Variants in MARCHF1 observed in about 807,000 individuals in gnomAD.
The protein encoded by MARCHF1 is membrane associated ring-CH-type finger 1.
A neutral mutation model predicts 54.2 loss-of-function variants in MARCHF1; 40 were observed. The ratio of observed to expected loss-of-function variants is 0.74; its 90% CI spans 0.57 to 0.96. MARCHF1 has a LOEUF of 0.96. MARCHF1 is among the 40% of genes least tolerant of loss of function. The probability of loss-of-function intolerance (pLI) is 0.00; values close to 1 mark genes in which losing one functional copy is unlikely to be tolerated. For synonymous variants in MARCHF1, 236 were observed against 236.3 expected (o/e 1.00, Z 0.01); for missense variants, 586 against 656.5 (o/e 0.89, Z 1.17).
At chr4:164,320,227 A>C (rs1367866425) in intron 1 of MARCHF1, among the ~76,000 whole-genome samples, 2 of 152,208 alleles carry the variant, frequency 1.3e-5, no homozygotes, top group Non-Finnish European at 2.9e-5. Flanking sequence ...TAGTTTGCCC[A>C]GTAATCATGA....
intron 1 of MARCHF1, among the ~76,000 whole-genome samples, chr4:164,238,774 C>T (rs1158687407): frequency 6.6e-6 from 1 of 151,746 alleles, no homozygotes; most frequent in Non-Finnish European, 1.5e-5. Flanking sequence ...GTCAATTTTG[C>T]CACTTATTTT....
At chr4:163,580,589 C>T (rs189946104) in intron 8 of MARCHF1, among the ~76,000 whole-genome samples, 4 of 152,252 alleles carry the variant, frequency 2.6e-5, no homozygotes, top group Admixed American at 2.6e-4. Context: ...TGGAGATAAA[C>T]AGCCTTATAT....
intron 4 of MARCHF1, among the ~76,000 whole-genome samples, chr4:163,796,062 A>T (rs975242197): frequency 2.0e-5 from 3 of 152,098 alleles, no homozygotes; most frequent in Admixed American, 6.6e-5. Flanking sequence ...GAGGAGGAGC[A>T]AAAAGAGGGG....
At chr4:163,874,002 A>C (rs996063965) in intron 3 of MARCHF1, among the ~76,000 whole-genome samples, 1 of 152,236 alleles carries the variant, frequency 6.6e-6, no homozygotes, top group Admixed American at 6.5e-5. Flanking sequence ...TTTTTAAAGA[A>C]TTTAAAAGAA....
intron 4 of MARCHF1, among the ~76,000 whole-genome samples, chr4:163,768,026 T>C (rs1035041082): frequency 6.6e-6 from 1 of 152,086 alleles, no homozygotes; most frequent in Non-Finnish European, 1.5e-5. Context: ...TTAGAAAGAG[T>C]GCATTTTTTT....
intron 2 of MARCHF1, among the ~76,000 whole-genome samples, chr4:164,072,360 T>C (rs1579510725): frequency 6.6e-6 from 1 of 152,028 alleles, no homozygotes; most frequent in Non-Finnish European, 1.5e-5. Flanking sequence ...CAGAGGTAGG[T>C]TCGAGACCAG....
At chr4:163,929,973 A>AATATATATATATAAATATAT (rs1560823848) in intron 3 of MARCHF1, among the ~76,000 whole-genome samples, 1 of 125,396 alleles carries the variant, frequency 8.0e-6, no homozygotes, top group African/African-American at 3.1e-5. Flanking sequence ...AATATATATA[A>AATATATATATATAAATATAT]TATATATAAT....
At chr4:163,689,875 C>T (rs545583412) in intron 5 of MARCHF1, among the ~76,000 whole-genome samples, 3 of 152,226 alleles carry the variant, frequency 2.0e-5, no homozygotes, top group East Asian at 3.9e-4. Context: ...TTAAAATGCC[C>T]TATCAAAGAG....
chr4:163,616,932 C>G (rs13125648), intron 5 of MARCHF1, among the ~76,000 whole-genome samples: 50,408 of 151,904 alleles, frequency 0.33, 9,755 homozygotes, highest in Non-Finnish European at 0.44. Flanking sequence ...TAAAAGGAAA[C>G]CAGTTCGTCA....
At chr4:163,620,604 C>CAGAG (rs1395760739) in intron 5 of MARCHF1, among the ~76,000 whole-genome samples, 43 of 49,710 alleles carry the variant, frequency 8.7e-4, no homozygotes, top group Middle Eastern at 0.011. Context: ...CACACACACA[C>CAGAG]ACAGAGAGAG....
intron 1 of MARCHF1, among the ~76,000 whole-genome samples, chr4:164,165,342 C>T (rs1289669365): frequency 6.6e-6 from 1 of 150,678 alleles, no homozygotes; most frequent in Admixed American, 6.6e-5. Flanking sequence ...TAGGAAGAAA[C>T]ACAAGCACGT....
intron 2 of MARCHF1, among the ~76,000 whole-genome samples, chr4:164,100,909 A>T (rs1188138612): frequency 6.6e-6 from 1 of 152,128 alleles, no homozygotes; most frequent in African/African-American, 2.4e-5. Flanking sequence ...GTGCGCGCAC[A>T]GTGCGCGAGC....
At chr4:164,355,335 G>T (rs1364620707) in intron 1 of MARCHF1, among the ~76,000 whole-genome samples, 1 of 88,202 alleles carries the variant, frequency 1.1e-5, no homozygotes, top group African/African-American at 4.0e-5. Context: ...GAACAAAGCT[G>T]GAGGCATCAC....
chr4:164,140,247 A>ATATATT (rs1756497542), intron 1 of MARCHF1, among the ~76,000 whole-genome samples: 1 of 150,620 alleles, frequency 6.6e-6, no homozygotes, highest in Non-Finnish European at 1.5e-5. Flanking sequence ...CACTATATAT[A>ATATATT]TATATATATA....
At chr4:163,930,253 C>A (rs960485412) in intron 3 of MARCHF1, among the ~76,000 whole-genome samples, 1 of 151,240 alleles carries the variant, frequency 6.6e-6, no homozygotes, top group Non-Finnish European at 1.5e-5. Flanking sequence ...AATAAAGACA[C>A]TGATATTTTC....
At chr4:163,779,735 G>A (rs74637209) in intron 4 of MARCHF1, among the ~76,000 whole-genome samples, 2,298 of 152,126 alleles carry the variant, frequency 0.015, 60 homozygotes, top group African/African-American at 0.051. Flanking sequence ...TTCTTGGGAT[G>A]TAGAAGAAAC....
At chr4:164,085,804 C>A (rs182052318) in intron 2 of MARCHF1, among the ~76,000 whole-genome samples, 212 of 151,768 alleles carry the variant, frequency 1.4e-3, no homozygotes, top group East Asian at 8.7e-3. Context: ...TATCTTGGTG[C>A]ATAAAAATAA....
intron 1 of MARCHF1, chr4:164,197,622 A>C (rs1374134621): frequency 6.2e-7 from 1 of 1,613,058 alleles, no homozygotes; most frequent in African/African-American, 1.3e-5. Context: ...GTTTGCCTTC[A>C]TTCGACCGAC....
At chr4:164,227,416 G>C (rs904002868) in intron 1 of MARCHF1, among the ~76,000 whole-genome samples, 1 of 152,084 alleles carries the variant, frequency 6.6e-6, no homozygotes, top group African/African-American at 2.4e-5. Flanking sequence ...GGTGAGATTT[G>C]GGTGGGGACA....
Sources: allele counts gnomAD v4.1 joint callset (sites outside exome capture counted in the v4.1 genomes callset), GRCh38; gene constraint gnomAD v4.1.1; transcripts MANE v1.5; gene names NCBI Gene and HGNC (gene_info 2026-07-23, HGNC 2026-07-21).